The following AGPS variants were observed in gnomAD, a reference collection of about 807,000 sequenced individuals.
AGPS encodes alkyldihydroxyacetonephosphate synthase, peroxisomal.
AGPS carries 26 observed loss-of-function variants against 90.7 expected under a neutral mutation model. The ratio of observed to expected loss-of-function variants is 0.29; its 90% CI spans 0.21 to 0.40. AGPS has a LOEUF of 0.40. Among genes scored for constraint, AGPS ranks in the 10% least tolerant of loss-of-function variants. AGPS has a pLI of 1.00. For synonymous variants in AGPS, 294 were observed against 285.3 expected (o/e 1.03, Z -0.31); for missense variants, 540 against 816.1 (o/e 0.66, Z 4.12).
chr2:177,392,897 G>C lies in AGPS; in HGVS notation c.108G>C (p.Arg36=). 1 of 1,550,574 alleles carries C rather than the reference G, an allele frequency of 6.4e-7. No homozygotes were observed. The highest frequency in any genetic ancestry group is 8.7e-7 in the Non-Finnish European group (1 of 1,147,508). ...DRDPDPDRAG[R]RLRVLSGHLL... ...ACCCGGACCCGGACCGCGCCGGGCG[G>C]AGGCTGCGGGTTCTCTCTGGCCATC... Residue 36 remains arginine, a synonymous_variant, in exon 1 of 20, where the codon CGG becomes CGC. Coordinates refer to ENST00000264167, the MANE Select transcript of AGPS (RefSeq NM_003659.4).
At chr2:177,510,456 C>A (rs1688836820) in intron 16 of AGPS, among the ~76,000 whole-genome samples, 1 of 152,162 alleles carries the variant, frequency 6.6e-6, no homozygotes, top group Non-Finnish European at 1.5e-5. Context: ...CAGTCCAAAT[C>A]ACCGGGACAG....
At chr2:177,406,770 C>T (rs1286223978) in intron 1 of AGPS, among the ~76,000 whole-genome samples, 3 of 152,226 alleles carry the variant, frequency 2.0e-5, no homozygotes, top group Non-Finnish European at 4.4e-5. Flanking sequence ...TCTTATTTGG[C>T]ATTCAAGGCT....
chr2:177,416,276 G>A (rs759412091), intron 1 of AGPS, among the ~76,000 whole-genome samples: 3 of 152,112 alleles, frequency 2.0e-5, no homozygotes, highest in Non-Finnish European at 4.4e-5. Context: ...TTCACCTAAA[G>A]ATTGTATAAT....
intron 10 of AGPS, among the ~76,000 whole-genome samples, chr2:177,481,272 A>T (rs1470768990): frequency 6.6e-6 from 1 of 152,044 alleles, no homozygotes; most frequent in Non-Finnish European, 1.5e-5. Flanking sequence ...TTCATTTGAA[A>T]AGCTTGGCTT....
In AGPS at chr2:177,438,983, T is replaced by TACGCACACACAC. The variant is rs1553509829; in HGVS notation, c.637+1931_637+1932insGCACACACACAC. 1.3e-3 allele frequency among the ~76,000 whole-genome samples: 192 copies of TACGCACACACAC among 150,170 alleles called. 4 individuals are homozygous for TACGCACACACAC. The East Asian group carries it at 0.031, about 25-fold the overall frequency. On this transcript the variant is annotated intron_variant, in intron 5 of 19. Transcript: ENST00000264167. Reference sequence around the variant, plus strand: ...GGATGTGGCTGTCTCATTCTTGCAATACACACACACACACACACACAACTG... The same window carrying TACGCACACACAC: ...GGATGTGGCTGTCTCATTCTTGCAATACGCACACACACACACACACACACACACACACAACTG...
intron 1 of AGPS, chr2:177,393,594 A>G (rs1237426576): frequency 2.0e-6 from 2 of 984,408 alleles, no homozygotes; most frequent in Non-Finnish European, 1.2e-6. Flanking sequence ...AAACCGATGA[A>G]TGGTAAGAAG....
At chr2:177,523,891 G>A (rs1559083826) in intron 19 of AGPS, 86 bp downstream of exon 19, 3 of 1,120,516 alleles carry the variant, frequency 2.7e-6, no homozygotes, top group East Asian at 2.4e-5. Flanking sequence ...GACATGGTAT[G>A]AATAATATGA....
intron 8 of AGPS, among the ~76,000 whole-genome samples, chr2:177,446,752 GAAATGGAACA>G (rs1212098596): frequency 6.6e-6 from 1 of 152,150 alleles, no homozygotes; most frequent in Admixed American, 6.5e-5. Context: ...TGAAGTAGTA[GAAATGGAACA>G]AAATGGAACA....
chr2:177,468,146 A>T (rs1687509329), intron 9 of AGPS, among the ~76,000 whole-genome samples: 1 of 152,082 alleles, frequency 6.6e-6, no homozygotes, highest in Non-Finnish European at 1.5e-5. Flanking sequence ...TAAATGTGTT[A>T]TTCTGTTGTT....
chr2:177,442,085 A>T (rs931472154), intron 6 of AGPS, among the ~76,000 whole-genome samples: 10 of 152,216 alleles, frequency 6.6e-5, no homozygotes, highest in Admixed American at 6.5e-4. Context: ...CATGGTAATT[A>T]TCTGCTTAGA....
At chr2:177,433,918 T>C (rs1686314264) in intron 2 of AGPS, among the ~76,000 whole-genome samples, 1 of 152,136 alleles carries the variant, frequency 6.6e-6, no homozygotes, top group Non-Finnish European at 1.5e-5. Flanking sequence ...TCGGTATGCT[T>C]TCCAGATGCA....
At chr2:177,445,175 G>A (rs1686730224) in intron 7 of AGPS, among the ~76,000 whole-genome samples, 2 of 152,230 alleles carry the variant, frequency 1.3e-5, no homozygotes, top group Middle Eastern at 3.4e-3. Flanking sequence ...TTTACATGGA[G>A]TACCTCATTT....
chr2:177,464,378 A>G (rs1687386419), intron 9 of AGPS, among the ~76,000 whole-genome samples: 2 of 152,242 alleles, frequency 1.3e-5, no homozygotes, highest in South Asian at 4.1e-4. Context: ...CTACAATGGA[A>G]CCTGTGAAAA....
At chr2:177,394,627 A>G (rs1306220865) in intron 1 of AGPS, among the ~76,000 whole-genome samples, 3 of 152,330 alleles carry the variant, frequency 2.0e-5, no homozygotes, top group Non-Finnish European at 4.4e-5. Context: ...TTTTGGCAGT[A>G]TAATGGCTGG....
chr2:177,526,472 C>T (rs372643947), intron 19 of AGPS, among the ~76,000 whole-genome samples: 6 of 152,020 alleles, frequency 3.9e-5, no homozygotes, highest in African/African-American at 1.2e-4. Flanking sequence ...TCAGATGATC[C>T]GCCCACCTCA....
At chr2:177,437,280 T>C (rs2105631303) in intron 5 of AGPS, among the ~76,000 whole-genome samples, 1 of 152,302 alleles carries the variant, frequency 6.6e-6, no homozygotes, top group African/African-American at 2.4e-5. Flanking sequence ...TCATTTTAAA[T>C]GTAAATAATC....
At chr2:177,527,540 ATTG>A (rs1310684915) in intron 19 of AGPS, among the ~76,000 whole-genome samples, 1 of 151,976 alleles carries the variant, frequency 6.6e-6, no homozygotes, top group African/African-American at 2.4e-5. Flanking sequence ...AGATATTTTT[ATTG>A]TTTTCTCAGT....
chr2:177,505,225 G>T (rs1435593736), intron 14 of AGPS, among the ~76,000 whole-genome samples: 1 of 151,946 alleles, frequency 6.6e-6, no homozygotes, highest in Non-Finnish European at 1.5e-5. Flanking sequence ...GTAAGAATAT[G>T]ATGAGTAAAA....
chr2:177,460,246 A>G lies in AGPS; in HGVS notation c.871-1647A>G, dbSNP rs1244303442. ...GGATTGATGGGTGCAGCAAACCACC[A>G]TGGCATGTGTATACCTATGTAACAA... On this transcript the variant is annotated intron_variant, in intron 8 of 19. Transcript: ENST00000264167. Among the ~76,000 whole-genome samples, 3 of 152,268 alleles carry G rather than the reference A, an allele frequency of 2.0e-5. No individual in the cohort carries two copies. The East Asian group carries it at 5.8e-4, about 29-fold the overall frequency.
Sources: allele counts gnomAD v4.1 joint callset (sites outside exome capture counted in the v4.1 genomes callset), GRCh38; gene constraint gnomAD v4.1.1; transcripts MANE v1.5; gene names NCBI Gene and HGNC (gene_info 2026-07-23, HGNC 2026-07-21).